Variants in ZSCAN23 observed in about 807,000 individuals in gnomAD.
The protein encoded by ZSCAN23 is zinc finger and SCAN domain-containing protein 23.
A neutral mutation model predicts 19.3 loss-of-function variants in ZSCAN23; 19 were observed. That is an observed-to-expected ratio of 0.99 (90% CI 0.69 to 1.45). The LOEUF (loss-of-function observed/expected upper bound fraction) is 1.45. ZSCAN23 is among the 40% of genes most tolerant of loss of function. The probability of loss-of-function intolerance (pLI) is 0.00; values close to 1 mark genes in which losing one functional copy is unlikely to be tolerated. For synonymous variants in ZSCAN23, 140 were observed against 166.2 expected (o/e 0.84, Z 1.21); for missense variants, 372 against 462.5 (o/e 0.80, Z 1.79).
At chr6:28,425,199 A>T in the ZSCAN23 span, among the ~76,000 whole-genome samples, 1 of 152,150 alleles carries the variant, frequency 6.6e-6, no homozygotes, top group Non-Finnish European at 1.5e-5. Flanking sequence ...TTTTCTTCTG[A>T]GCAGTAGGTC....
At chr6:28,427,339 C>T (rs918713113), downstream of ZSCAN23, among the ~76,000 whole-genome samples, 26 of 152,196 alleles carry the variant, frequency 1.7e-4, no homozygotes, top group African/African-American at 6.3e-4. Context: ...TAGCCTAATG[C>T]TTGGCACTCA....
chr6:28,435,802 A>C (rs577692996), intron 2 of ZSCAN23, 57 bp downstream of exon 2: 152 of 1,487,900 alleles, frequency 1.0e-4, no homozygotes, highest in Non-Finnish European at 1.3e-4. Flanking sequence ...TTCTTGTTGC[A>C]CTGAAACCCC....
chr6:28,443,032 T>A (rs2114043663), intron 1 of ZSCAN23, among the ~76,000 whole-genome samples: 1 of 152,348 alleles, frequency 6.6e-6, no homozygotes, highest in South Asian at 2.1e-4. Flanking sequence ...CTATCCCTGC[T>A]CATTCTTTAA....
chr6:28,438,264 T>C (rs1182552750), intron 1 of ZSCAN23, among the ~76,000 whole-genome samples: 1 of 152,000 alleles, frequency 6.6e-6, no homozygotes, highest in Non-Finnish European at 1.5e-5. Flanking sequence ...GCCAGGCTAA[T>C]TTTTGTATTT....
Position 28,436,095 on chromosome 6 carries a change from C to T in ZSCAN23, c.172G>A (p.Glu58Lys). The part of the protein sequence containing the change: ...RRRFRQFCYQ[E>K]SPGPREALQR... ...AGAGCCTCCCGGGGCCCAGGGGACTCCTGATAGCAGAACTGCCTGAAGCGT... is the reference window on the plus strand; with the variant it reads ...AGAGCCTCCCGGGGCCCAGGGGACTTCTGATAGCAGAACTGCCTGAAGCGT... The change falls in exon 2 of 4, where the codon GAG becomes AAG. Residue 58 changes from glutamate to lysine, a missense_variant. Coordinates refer to ENST00000289788, the MANE Select transcript of ZSCAN23 (RefSeq NM_001012455.2). 1 of 1,613,982 alleles carries T rather than the reference C, an allele frequency of 6.2e-7. No homozygotes were observed. Among genetic ancestry groups the T allele is most frequent in the Non-Finnish European group, 8.5e-7 (1 of 1,179,938 alleles).
At chr6:28,442,750 C>G (rs1178974511) in intron 1 of ZSCAN23, among the ~76,000 whole-genome samples, 1 of 152,206 alleles carries the variant, frequency 6.6e-6, no homozygotes, top group African/African-American at 2.4e-5. Flanking sequence ...ACACCCCTTA[C>G]TCGCTCTACG....
At chr6:28,425,824 A>G in the ZSCAN23 span, among the ~76,000 whole-genome samples, 1 of 152,250 alleles carries the variant, frequency 6.6e-6, no homozygotes, top group Non-Finnish European at 1.5e-5. Context: ...GTTGTTTAGT[A>G]TAGCCACCTT....
Position 28,435,045 on chromosome 6 carries a change from G to A in ZSCAN23, c.590C>T (p.Ala197Val), listed in dbSNP as rs1221927198. 5 of 1,549,512 alleles carry A rather than the reference G, an allele frequency of 3.2e-6. No individual in the cohort carries two copies. The highest frequency in any genetic ancestry group is 4.4e-6 in the Non-Finnish European group (5 of 1,145,390). The change falls in exon 4 of 4, where the codon GCC becomes GTC. Residue 197 changes from alanine to valine, a missense_variant. Transcript: ENST00000289788. ...GKAGTWNVEL[A>V]PKREISQEVK... ...TTCCTGAGAAATCTCCCTCTTTGGG[G>A]CTAACTCCACATTCCAAGTCCCAGC...
Position 28,435,904 on chromosome 6 carries a change from A to G in ZSCAN23, c.363T>C (p.Thr121=). ...HRPVSGEEAV[T]VLEDLERELD... is the part of the protein sequence containing the mutation. The stretch of plus-strand genomic sequence containing the variant: ...GCTCTCTCTCCAAATCCTCCAGCAC[A>G]GTCACTGCCTCCTCTCCACTCACAG... The change falls in exon 2 of 4, where the codon ACT becomes ACC. Residue 121 remains threonine, a synonymous_variant. Transcript: ENST00000289788. 1 of 1,613,026 alleles carries G rather than the reference A, an allele frequency of 6.2e-7. No homozygotes were observed.
At position 28,435,945 on chromosome 6, in the gene ZSCAN23, C is replaced by T; in HGVS notation, c.322G>A (p.Val108Ile). Reference protein sequence around the residue: ...TILPEELQAWVRQHRPVSGEE... With the variant: ...TILPEELQAWIRQHRPVSGEE... ...CCACTCACAGGACGGTGCTGTCTGA[C>T]CCAGGCCTGGAGCTCCTCAGGCAGG... The change falls in exon 2 of 4, where the codon GTC becomes ATC. Residue 108 changes from valine to isoleucine, a missense_variant. Val to Ile is a conservative substitution (Grantham distance 29). Transcript: ENST00000289788. The T allele has an allele frequency of 6.2e-7, 1 of 1,614,204 alleles. No homozygotes were observed. The highest frequency in any genetic ancestry group is 8.5e-7 in the Non-Finnish European group (1 of 1,180,026).
In ZSCAN23 at chr6:28,434,748, T is replaced by A; in HGVS notation, c.887A>T (p.Gln296Leu). 6.2e-7 allele frequency: 1 copy of A among 1,603,048 alleles called. No homozygotes were observed. Among genetic ancestry groups the A allele is most frequent in the South Asian group, 1.1e-5 (1 of 89,474 alleles). Residue 296 changes from glutamine to leucine, a missense_variant, in exon 4 of 4, where the codon CAG (glutamine) becomes CTG (leucine). Transcript: ENST00000289788. ...GCGCTTCTCCCCAGTGTGGAGTCTC[T>A]GGTGCTGGAATAGGCCTGACCTCTG... is the stretch of plus-strand genomic sequence containing the variant. ...FSQRSGLFQH[Q>L]RLHTGEKRYQ...
downstream of ZSCAN23, among the ~76,000 whole-genome samples, chr6:28,432,272 GA>G (rs1761775257): frequency 6.6e-6 from 1 of 152,078 alleles, no homozygotes; most frequent in Non-Finnish European, 1.5e-5. Flanking sequence ...ATTTACTTAA[GA>G]AGTTGATTTT....
the ZSCAN23 span, among the ~76,000 whole-genome samples, chr6:28,425,256 GT>G: frequency 5.1e-4 from 77 of 152,308 alleles, no homozygotes; most frequent in African/African-American, 1.8e-3. Flanking sequence ...GTAAATAAAT[GT>G]GCTATCGTCC....
At position 28,436,149 on chromosome 6, in the gene ZSCAN23, T is replaced by TA. The variant is rs569160604; in HGVS notation, c.117dup (p.Asn40Ter). 1.8e-5 allele frequency: 29 copies of TA among 1,589,472 alleles called. No individual in the cohort carries two copies. The highest frequency in any genetic ancestry group is 2.3e-5 in the Non-Finnish European group (27 of 1,167,462). On this transcript the variant is annotated frameshift_variant, in exon 2 of 4. Coordinates refer to ENST00000289788, the MANE Select transcript of ZSCAN23 (RefSeq NM_001012455.2). LOFTEE classifies it high-confidence loss of function. ...CGAAAGATCTCTCTGGTATGAGGGT[T>TA]ATTTCTTGACAGGCCTGATTCTGGC...
At chr6:28,430,404 T>C (rs571480718), downstream of ZSCAN23, among the ~76,000 whole-genome samples, 4 of 152,196 alleles carry the variant, frequency 2.6e-5, no homozygotes, top group South Asian at 4.2e-4. Context: ...CAACCCCAGG[T>C]CTGGTATTAT....
At chr6:28,421,644 C>G in the ZSCAN23 span, among the ~76,000 whole-genome samples, 2 of 152,168 alleles carry the variant, frequency 1.3e-5, no homozygotes, top group Non-Finnish European at 1.5e-5. Context: ...CTGTACATTA[C>G]TACAATTTAC....
Position 28,436,147 on chromosome 6 carries a change from GT to G in ZSCAN23, c.119del (p.Asn40ThrfsTer38). On this transcript the variant is annotated frameshift_variant, in exon 2 of 4. Transcript: ENST00000289788. LOFTEE classifies it high-confidence loss of function. ...CGPESGLSRN[N>X]PHTREIFRRR... ...TACGAAAGATCTCTCTGGTATGAGG[GT>G]TATTTCTTGACAGGCCTGATTCTGG... The G allele has an allele frequency of 6.3e-7, 1 of 1,590,408 alleles. No homozygotes were observed. The highest frequency in any genetic ancestry group is 1.3e-5 in the African/African-American group (1 of 74,420).
intron 1 of ZSCAN23, among the ~76,000 whole-genome samples, chr6:28,436,801 G>A (rs1561979183): frequency 6.6e-6 from 1 of 152,160 alleles, no homozygotes; most frequent in African/African-American, 2.4e-5. Context: ...GAGAGAGGAG[G>A]CAGAGTCCCT....
downstream of ZSCAN23, among the ~76,000 whole-genome samples, chr6:28,431,222 C>T (rs560454488): frequency 3.3e-5 from 5 of 152,294 alleles, no homozygotes; most frequent in South Asian, 1.0e-3. Context: ...CTCCAACAGC[C>T]TTTTTCATAT....
Sources: allele counts gnomAD v4.1 joint callset (sites outside exome capture counted in the v4.1 genomes callset), GRCh38; gene constraint gnomAD v4.1.1; transcripts MANE v1.5; gene names NCBI Gene and HGNC (gene_info 2026-07-23, HGNC 2026-07-21).